Variants in MAML2 observed in about 807,000 individuals in gnomAD.
The protein encoded by MAML2 is mastermind-like protein 2.
Under a neutral mutation model 96.1 loss-of-function variants are expected in MAML2, and 22 were observed. The observed-to-expected ratio is 0.23, with a 90% CI of 0.16 to 0.33. MAML2 has a LOEUF of 0.33. Ranked by LOEUF, MAML2 falls within the 10% of genes least tolerant of loss-of-function variation. The probability of loss-of-function intolerance (pLI) is 1.00; values close to 1 mark genes in which losing one functional copy is unlikely to be tolerated. For missense variants in MAML2, 1,367 were observed against 1,392.4 expected, an observed-to-expected ratio of 0.98 and a Z score of 0.29; for synonymous variants, 561 against 521.3, an observed-to-expected ratio of 1.08 and a Z score of -1.04.
At chr11:96,033,691 A>G (rs1471597201) in intron 2 of MAML2, among the ~76,000 whole-genome samples, 1 of 152,202 alleles carries the variant, frequency 6.6e-6, no homozygotes, top group Non-Finnish European at 1.5e-5. Context: ...AGCACATGGA[A>G]GAGGAGAGTG....
chr11:96,073,641 G>A (rs1043481741), intron 2 of MAML2, among the ~76,000 whole-genome samples: 32 of 152,222 alleles, frequency 2.1e-4, no homozygotes, highest in East Asian at 7.7e-4. Flanking sequence ...AGACAATGAC[G>A]ATTTAATGGA....
intron 1 of MAML2, among the ~76,000 whole-genome samples, chr11:96,192,049 CTA>C: frequency 6.6e-6 from 1 of 152,254 alleles, no homozygotes; most frequent in Non-Finnish European, 1.5e-5. Flanking sequence ...CAAATCCTAA[CTA>C]TGTGAAGGTT....
intron 1 of MAML2, among the ~76,000 whole-genome samples, chr11:96,167,492 G>T (rs561173113): frequency 3.3e-5 from 5 of 152,112 alleles, no homozygotes; most frequent in African/African-American, 1.2e-4. Flanking sequence ...AAATTCTTTC[G>T]CACAGAGCAG....
chr11:96,075,133 A>G (rs1859413517), intron 2 of MAML2, among the ~76,000 whole-genome samples: 2 of 152,218 alleles, frequency 1.3e-5, no homozygotes. Context: ...AAGCTAATAC[A>G]TAGATTCCCT....
chr11:96,182,655 T>C (rs933777727), intron 1 of MAML2, among the ~76,000 whole-genome samples: 1 of 152,206 alleles, frequency 6.6e-6, no homozygotes, highest in Non-Finnish European at 1.5e-5. Flanking sequence ...TCCTTATTAC[T>C]GTTTTATAGA....
chr11:96,051,484 T>C (rs1322408940), intron 2 of MAML2, among the ~76,000 whole-genome samples: 3 of 152,224 alleles, frequency 2.0e-5, no homozygotes, highest in East Asian at 1.9e-4. Context: ...ACACATTTTA[T>C]AGACAATAAA....
chr11:96,231,137 T>C (rs535563808), intron 1 of MAML2, among the ~76,000 whole-genome samples: 16 of 151,676 alleles, frequency 1.1e-4, no homozygotes, highest in Admixed American at 9.8e-4. Flanking sequence ...ATATAGGGGG[T>C]TTTAATAAAT....
chr11:96,090,921 A>G (rs1859693402), intron 2 of MAML2, among the ~76,000 whole-genome samples: 1 of 152,200 alleles, frequency 6.6e-6, no homozygotes. Flanking sequence ...TTTGACATAT[A>G]ATGTGCTATC....
At chr11:96,243,919 G>C (rs1039973792) in intron 1 of MAML2, among the ~76,000 whole-genome samples, 2 of 152,150 alleles carry the variant, frequency 1.3e-5, no homozygotes, top group Non-Finnish European at 2.9e-5. Flanking sequence ...GGGATTACTG[G>C]CGTGAGCCAC....
At chr11:96,289,448 CG>C (rs1863181415) in intron 1 of MAML2, among the ~76,000 whole-genome samples, 1 of 152,150 alleles carries the variant, frequency 6.6e-6, no homozygotes, top group African/African-American at 2.4e-5. Context: ...ATATAACTCA[CG>C]AATGAATGAG....
At chr11:96,086,978 C>T (rs932620007) in intron 2 of MAML2, among the ~76,000 whole-genome samples, 6 of 152,132 alleles carry the variant, frequency 3.9e-5, no homozygotes, top group Non-Finnish European at 8.8e-5. Context: ...GACAGCACAA[C>T]CCAAACCACC....
At chr11:96,151,011 C>A (rs1332144278) in intron 1 of MAML2, among the ~76,000 whole-genome samples, 1 of 152,212 alleles carries the variant, frequency 6.6e-6, no homozygotes. Flanking sequence ...TCTGAATGCA[C>A]ATTAAAGTCT....
chr11:96,016,055 C>A (rs1030500195), intron 2 of MAML2, among the ~76,000 whole-genome samples: 2 of 152,058 alleles, frequency 1.3e-5, no homozygotes, highest in Admixed American at 6.6e-5. Flanking sequence ...CTTCTAAAGT[C>A]CTTTTGTTCA....
chr11:96,160,026 G>A (rs921397938), intron 1 of MAML2, among the ~76,000 whole-genome samples: 4 of 152,212 alleles, frequency 2.6e-5, no homozygotes, highest in African/African-American at 7.2e-5. Context: ...TCAGGAAAGA[G>A]TATATGTTTT....
At chr11:96,237,218 C>A (rs1276092645) in intron 1 of MAML2, among the ~76,000 whole-genome samples, 1 of 152,182 alleles carries the variant, frequency 6.6e-6, no homozygotes, top group Non-Finnish European at 1.5e-5. Context: ...CAGTATTCTT[C>A]TCATCCTCTC....
intron 2 of MAML2, among the ~76,000 whole-genome samples, chr11:95,998,129 T>TGTCA (rs1858022471): frequency 7.2e-6 from 1 of 139,308 alleles, no homozygotes; most frequent in African/African-American, 2.7e-5. Context: ...TCTATCTGTC[T>TGTCA]GTCTGTCTGT....
At chr11:96,044,182 C>T (rs1858860385) in intron 2 of MAML2, among the ~76,000 whole-genome samples, 1 of 152,186 alleles carries the variant, frequency 6.6e-6, no homozygotes, top group Non-Finnish European at 1.5e-5. Flanking sequence ...ATTCTTGGGT[C>T]TCAGAAGTGC....
At chr11:96,316,627 G>C (rs1244720338) in intron 1 of MAML2, among the ~76,000 whole-genome samples, 1 of 152,162 alleles carries the variant, frequency 6.6e-6, no homozygotes, top group African/African-American at 2.4e-5. Context: ...CTTGAAAAGC[G>C]AGGCAGGCAG....
Position 96,341,415 on chromosome 11 carries a change from G to T in MAML2, c.481C>A (p.Pro161Thr). The T allele has an allele frequency of 6.5e-7, 1 of 1,543,764 alleles. No individual in the cohort carries two copies. The highest frequency in any genetic ancestry group is 8.8e-7 in the Non-Finnish European group (1 of 1,142,364). The change falls in exon 1 of 5, where the codon CCA (proline) becomes ACA (threonine). Residue 161 changes from proline (P) to threonine (T), a missense_variant. By Grantham distance (38) the Pro-to-Thr change is conservative (BLOSUM62 -1). Transcript: ENST00000524717. The stretch of plus-strand genomic sequence containing the variant: ...AGGGCTGAGTTCCTCTGGTCCCCTG[G>T]GGTTGAAGCGGGCGGCTGCTGCTCT... ...NGEQQPPAST[P>T]GDQRNSALIA...
Sources: allele counts gnomAD v4.1 joint callset (sites outside exome capture counted in the v4.1 genomes callset), GRCh38; gene constraint gnomAD v4.1.1; transcripts MANE v1.5; gene names NCBI Gene and HGNC (gene_info 2026-07-23, HGNC 2026-07-21).